The following HIP1 variants were observed in gnomAD, a reference collection of about 807,000 sequenced individuals.
The protein encoded by HIP1 is huntingtin interacting protein 1.
Under a neutral mutation model 147.6 loss-of-function variants are expected in HIP1, and 65 were observed. The observed-to-expected ratio is 0.44, with a 90% CI of 0.36 to 0.54. The LOEUF is 0.54. Among genes scored for constraint, HIP1 ranks in the 20% least tolerant of loss-of-function variants. The pLI is 0.00. For missense variants in HIP1, 1,061 were observed against 1,299.6 expected, an observed-to-expected ratio of 0.82 and a Z score of 2.82; for synonymous variants, 479 against 504.0, an observed-to-expected ratio of 0.95 and a Z score of 0.67.
In HIP1 at chr7:75,539,335, C is replaced by G. The variant is rs782285157; in HGVS notation, c.3049G>C (p.Gly1017Arg). The G allele has an allele frequency of 1.2e-6, 2 of 1,613,782 alleles. No homozygotes were observed. Among genetic ancestry groups the G allele is most frequent in the Non-Finnish European group, 1.7e-6 (2 of 1,179,664 alleles). ...GGAGTCAGCTTACCTTCTTCCCAGCCCTCAGCAACACCAGCAAGCTCGTAG... is the reference window on the plus strand; with the variant it reads ...GGAGTCAGCTTACCTTCTTCCCAGCGCTCAGCAACACCAGCAAGCTCGTAG... Reference protein sequence around the residue: ...KHYELAGVAEGWEEGTEASPP... With the variant: ...KHYELAGVAERWEEGTEASPP... The change falls in exon 30 of 31, where the codon GGC becomes CGC. Residue 1017 changes from glycine to arginine, a missense_variant. Transcript: ENST00000336926.
At chr7:75,570,162 G>T (rs1554496310) in intron 8 of HIP1, among the ~76,000 whole-genome samples, 1 of 151,734 alleles carries the variant, frequency 6.6e-6, no homozygotes, top group East Asian at 1.9e-4. Context: ...TCAATCTCTT[G>T]ACCTCGTGAT....
intron 1 of HIP1, among the ~76,000 whole-genome samples, chr7:75,715,799 A>C (rs1412641823): frequency 1.3e-5 from 2 of 148,650 alleles, no homozygotes; most frequent in Non-Finnish European, 3.0e-5. Flanking sequence ...AAAAAAAAAA[A>C]GATGTCTATC....
chr7:75,608,920 T>C (rs1162504587), intron 1 of HIP1, among the ~76,000 whole-genome samples: 6 of 152,096 alleles, frequency 3.9e-5, no homozygotes, highest in East Asian at 1.9e-4. Flanking sequence ...CACAGAAGGC[T>C]CTTGAGCAGG....
At chr7:75,545,022 T>C (rs1431117620) in intron 26 of HIP1, 66 bp downstream of exon 26, 4 of 980,320 alleles carry the variant, frequency 4.1e-6, no homozygotes, top group Non-Finnish European at 6.4e-6. Context: ...CCTCCTTAGC[T>C]ATTGTTTGGA....
chr7:75,544,508 C>T (rs1462580367), intron 27 of HIP1, among the ~76,000 whole-genome samples, 187 bp downstream of exon 27: 1 of 152,190 alleles, frequency 6.6e-6, no homozygotes, highest in Non-Finnish European at 1.5e-5. Context: ...TAGCCAAGTA[C>T]TCTCTAACCC....
At chr7:75,643,728 G>C (rs1345776797) in intron 1 of HIP1, among the ~76,000 whole-genome samples, 3 of 152,086 alleles carry the variant, frequency 2.0e-5, no homozygotes, top group Admixed American at 6.6e-5. Flanking sequence ...GGCTGGGCGC[G>C]GTGGCTCACA....
intron 1 of HIP1, among the ~76,000 whole-genome samples, chr7:75,693,849 T>G (rs928746179): frequency 1.3e-5 from 2 of 151,394 alleles, no homozygotes; most frequent in Non-Finnish European, 2.9e-5. Flanking sequence ...ACTGCACCAA[T>G]GCTGATGACA....
chr7:75,624,157 G>A (rs1198522111), intron 1 of HIP1, among the ~76,000 whole-genome samples: 3 of 152,154 alleles, frequency 2.0e-5, no homozygotes, highest in South Asian at 2.1e-4. Context: ...TGGAGTGAGC[G>A]GTGAGGCTGT....
chr7:75,612,100 C>T (rs1172613036), intron 1 of HIP1, among the ~76,000 whole-genome samples: 3 of 152,180 alleles, frequency 2.0e-5, no homozygotes, highest in Admixed American at 6.5e-5. Flanking sequence ...AAAGGTCCCA[C>T]GGCAGGAGCA....
chr7:75,697,304 A>C (rs1800671136), intron 1 of HIP1, among the ~76,000 whole-genome samples: 1 of 151,980 alleles, frequency 6.6e-6, no homozygotes, highest in Non-Finnish European at 1.5e-5. Flanking sequence ...ATGTGTTTTC[A>C]CCAGCAACCC....
intron 8 of HIP1, among the ~76,000 whole-genome samples, chr7:75,570,322 C>T (rs1795574866): frequency 6.8e-6 from 1 of 147,036 alleles, no homozygotes; most frequent in African/African-American, 2.5e-5. Context: ...GACGATGTCT[C>T]GCTCTGTCAC....
At chr7:75,682,581 G>GAAAACAAAAC (rs3216943) in intron 1 of HIP1, among the ~76,000 whole-genome samples, 60,785 of 148,528 alleles carry the variant, frequency 0.41, 12,903 homozygotes, top group South Asian at 0.49. Flanking sequence ...TTTACAGACA[G>GAAAACAAAAC]AAAACAAAAC....
chr7:75,669,628 C>G (rs985768663), intron 1 of HIP1, among the ~76,000 whole-genome samples: 2 of 152,066 alleles, frequency 1.3e-5, no homozygotes, highest in African/African-American at 2.4e-5. Context: ...ATTCATCCTT[C>G]CCCCAACCCC....
At chr7:75,658,348 C>G (rs1237756344) in intron 1 of HIP1, among the ~76,000 whole-genome samples, 1 of 152,210 alleles carries the variant, frequency 6.6e-6, no homozygotes, top group Admixed American at 6.5e-5. Flanking sequence ...CCTTGGCCTC[C>G]CAAAGTGTTG....
chr7:75,667,786 C>T (rs931801679), intron 1 of HIP1, among the ~76,000 whole-genome samples: 4 of 152,180 alleles, frequency 2.6e-5, no homozygotes, highest in African/African-American at 9.7e-5. Flanking sequence ...CCACTGCACC[C>T]GGCAGTTTGA....
At chr7:75,699,546 T>C (rs1355118461) in intron 1 of HIP1, among the ~76,000 whole-genome samples, 2 of 151,978 alleles carry the variant, frequency 1.3e-5, no homozygotes, top group African/African-American at 2.4e-5. Context: ...TATAAAGACA[T>C]TCAGTTCCAA....
At chr7:75,698,418 G>A (rs1425170980) in intron 1 of HIP1, among the ~76,000 whole-genome samples, 3 of 152,060 alleles carry the variant, frequency 2.0e-5, no homozygotes, top group Non-Finnish European at 2.9e-5. Flanking sequence ...TCAAACCCAG[G>A]CAGTTCTACT....
chr7:75,558,887 T>TG (rs1795119071), intron 14 of HIP1, among the ~76,000 whole-genome samples: 1 of 152,066 alleles, frequency 6.6e-6, no homozygotes, highest in Admixed American at 6.6e-5. Flanking sequence ...GACATGGTGG[T>TG]GTGTGCCTGT....
chr7:75,569,917 G>A (rs1795547814), intron 8 of HIP1, among the ~76,000 whole-genome samples: 2 of 151,638 alleles, frequency 1.3e-5, no homozygotes, highest in South Asian at 4.1e-4. Flanking sequence ...TAAAAACTGT[G>A]ACAATCTGAA....
Sources: allele counts gnomAD v4.1 joint callset (sites outside exome capture counted in the v4.1 genomes callset), GRCh38; gene constraint gnomAD v4.1.1; transcripts MANE v1.5; gene names NCBI Gene and HGNC (gene_info 2026-07-23, HGNC 2026-07-21).